Variants in SGMS2 observed in about 807,000 individuals in gnomAD.
The protein encoded by SGMS2 is sphingomyelin synthase 2, also known as phosphatidylcholine:ceramide cholinephosphotransferase 2.
In SGMS2, 21 loss-of-function variants were observed where a neutral mutation model predicts 43.8. The observed-to-expected ratio is 0.48, with a 90% CI of 0.34 to 0.69. SGMS2 has a LOEUF of 0.69. Ranked by LOEUF, SGMS2 falls within the 30% of genes least tolerant of loss-of-function variation. SGMS2 has a pLI of 0.01. For synonymous variants in SGMS2, 167 were observed against 160.6 expected, an observed-to-expected ratio of 1.04 and a Z score of -0.30; for missense variants, 384 against 443.2, an observed-to-expected ratio of 0.87 and a Z score of 1.20.
At chr4:107,884,578 G>A (rs1239952171) in intron 2 of SGMS2, among the ~76,000 whole-genome samples, 2 of 152,204 alleles carry the variant, frequency 1.3e-5, no homozygotes, top group African/African-American at 4.8e-5. Flanking sequence ...ACTGGGAACT[G>A]CTTAGGGCAA....
chr4:107,866,277 A>G (rs945714048), intron 2 of SGMS2, among the ~76,000 whole-genome samples: 1 of 152,012 alleles, frequency 6.6e-6, no homozygotes, highest in Non-Finnish European at 1.5e-5. Flanking sequence ...TTAAAAAAAA[A>G]CTCTTGGCTG....
At chr4:107,872,638 C>CCA (rs1728631927) in intron 2 of SGMS2, among the ~76,000 whole-genome samples, 2 of 151,040 alleles carry the variant, frequency 1.3e-5, no homozygotes, top group Admixed American at 1.3e-4. Context: ...CCACTGCGCT[C>CCA]CAGCCTTGGT....
chr4:107,847,677 C>T (rs1009967951), intron 1 of SGMS2, among the ~76,000 whole-genome samples: 8 of 152,008 alleles, frequency 5.3e-5, no homozygotes, highest in Non-Finnish European at 7.4e-5. Context: ...TCTTAAACCA[C>T]GTAATTGGAG....
rs891753550 is a variant in SGMS2 at position 107,914,521 on chromosome 4, C to A, written c.*3968C>A. ...GGTTTCAGAGGTAGCCAATTGCATT[C>A]TTTTGGAAATTTACTGTACTGTTTC... On this transcript the variant is annotated 3_prime_UTR_variant, in exon 7 of 7. Coordinates refer to ENST00000690982, the MANE Select transcript of SGMS2 (RefSeq NM_001375905.1). The A allele has an allele frequency of 2.6e-5, 4 of 152,030 alleles. No homozygotes were observed. Among genetic ancestry groups the A allele is most frequent in the African/African-American group, 9.7e-5 (4 of 41,430 alleles). The allele number at this position is 152,030 out of a possible 1,614,324, so 9.4% of individuals were successfully genotyped here.
At chr4:107,881,747 C>A (rs1374047651) in intron 2 of SGMS2, among the ~76,000 whole-genome samples, 1 of 152,130 alleles carries the variant, frequency 6.6e-6, no homozygotes, top group Non-Finnish European at 1.5e-5. Context: ...ATCTCTACTT[C>A]ACCCGCCCTG....
intron 1 of SGMS2, among the ~76,000 whole-genome samples, chr4:107,835,115 G>A (rs79703106): frequency 0.029 from 4,365 of 152,066 alleles, 96 homozygotes; most frequent in Non-Finnish European, 0.043. Context: ...TTCAGTTAAA[G>A]GTCTTCTCTT....
intron 2 of SGMS2, among the ~76,000 whole-genome samples, chr4:107,866,647 G>A (rs1262447060): frequency 2.0e-5 from 3 of 151,794 alleles, no homozygotes; most frequent in Admixed American, 6.6e-5. Flanking sequence ...CAATCTCACG[G>A]TGGTGTTCTG....
chr4:107,845,520 A>T (rs957965715), intron 1 of SGMS2, among the ~76,000 whole-genome samples: 10 of 152,162 alleles, frequency 6.6e-5, no homozygotes, highest in Admixed American at 3.3e-4. Flanking sequence ...TCACAAACCA[A>T]ATAAAGTATA....
At chr4:107,886,201 GT>G (rs1245009844) in intron 2 of SGMS2, among the ~76,000 whole-genome samples, 31 of 147,048 alleles carry the variant, frequency 2.1e-4, no homozygotes, top group African/African-American at 3.0e-4. Flanking sequence ...CTTTGTTGTT[GT>G]TTTTTTTTTT....
At chr4:107,896,192 T>G (rs894457925) in intron 3 of SGMS2, among the ~76,000 whole-genome samples, 184 bp downstream of exon 3, 2 of 152,034 alleles carry the variant, frequency 1.3e-5, no homozygotes, top group Admixed American at 1.3e-4. Flanking sequence ...AGTAAGTGTT[T>G]GATGAGCAAC....
At chr4:107,843,279 T>A (rs1278204403) in intron 1 of SGMS2, among the ~76,000 whole-genome samples, 1 of 152,210 alleles carries the variant, frequency 6.6e-6, no homozygotes. Flanking sequence ...ACAAAATGCG[T>A]AATTTGAATC....
intron 3 of SGMS2, among the ~76,000 whole-genome samples, chr4:107,896,694 C>G (rs749281060): frequency 3.3e-5 from 5 of 152,106 alleles, no homozygotes; most frequent in Non-Finnish European, 2.9e-5. Flanking sequence ...TCAGCCTCCT[C>G]ATTTTTGGAA....
intron 1 of SGMS2, among the ~76,000 whole-genome samples, chr4:107,845,298 A>G (rs1726748638): frequency 6.6e-6 from 1 of 152,190 alleles, no homozygotes; most frequent in Non-Finnish European, 1.5e-5. Context: ...GGAAACAAGA[A>G]AGAGTGATCA....
chr4:107,834,862 C>A (rs1398663499), intron 1 of SGMS2, among the ~76,000 whole-genome samples: 1 of 152,058 alleles, frequency 6.6e-6, no homozygotes, highest in Non-Finnish European at 1.5e-5. Context: ...CATAGCCAGG[C>A]CTCCATCCCT....
chr4:107,835,782 C>G (rs140360941), intron 1 of SGMS2, among the ~76,000 whole-genome samples: 1 of 152,192 alleles, frequency 6.6e-6, no homozygotes, highest in Non-Finnish European at 1.5e-5. Flanking sequence ...TTGATGTTCT[C>G]TGTTGCATCT....
At position 107,914,206 on chromosome 4, in the gene SGMS2, T is replaced by C. The variant is rs1732311732; in HGVS notation, c.*3653T>C. On this transcript the variant is annotated 3_prime_UTR_variant, in exon 7 of 7. Transcript: ENST00000690982. ...GACTTCAACACCCAAACACTGAAAA[T>C]CATGTCAATGTTACCCAAAGATAAG... 1 of 152,062 alleles carries C rather than the reference T, an allele frequency of 6.6e-6. No homozygotes were observed. Among genetic ancestry groups the C allele is most frequent in the African/African-American group, 2.4e-5 (1 of 41,420 alleles). The allele number at this position is 152,062 out of a possible 1,614,324, so 9.4% of individuals were successfully genotyped here.
chr4:107,850,769 G>A (rs760082037), intron 1 of SGMS2, among the ~76,000 whole-genome samples: 3 of 152,184 alleles, frequency 2.0e-5, no homozygotes, highest in Non-Finnish European at 4.4e-5. Flanking sequence ...GCCCATTAGA[G>A]CTTGGGTGGT....
At chr4:107,870,166 G>A (rs779540675) in intron 2 of SGMS2, among the ~76,000 whole-genome samples, 1 of 152,094 alleles carries the variant, frequency 6.6e-6, no homozygotes, top group South Asian at 2.1e-4. Context: ...AAATAATCTT[G>A]TATGTAGCTT....
Position 107,871,715 on chromosome 4 carries a change from G to C in SGMS2, c.-245+13162G>C, listed in dbSNP as rs958568816. On this transcript the variant is annotated intron_variant, in intron 2 of 6. Transcript: ENST00000690982. The stretch of plus-strand genomic sequence containing the variant: ...GGTCACTGTTTTTCATTCAACCCAG[G>C]GTACAGTTTTAAAAGTTTTCTATAC... Among the ~76,000 whole-genome samples the C allele has an allele frequency of 4.6e-5, 7 of 151,768 alleles. 1 individual carries two copies. The highest frequency in any genetic ancestry group is 4.2e-4 in the South Asian group (2 of 4,808).
Sources: allele counts gnomAD v4.1 joint callset (sites outside exome capture counted in the v4.1 genomes callset), GRCh38; gene constraint gnomAD v4.1.1; transcripts MANE v1.5; gene names NCBI Gene and HGNC (gene_info 2026-07-23, HGNC 2026-07-21).